CRACD: variants seen among roughly 807,000 people sequenced by gnomAD.
CRACD encodes the protein capping protein-inhibiting regulator of actin dynamics.
In CRACD, 56 loss-of-function variants were observed where a neutral mutation model predicts 106.8. The ratio of observed to expected loss-of-function variants is 0.52; its 90% CI spans 0.42 to 0.66. The LOEUF (loss-of-function observed/expected upper bound fraction) is 0.66. CRACD is among the 30% of genes least tolerant of loss of function. The pLI is 0.00. For synonymous variants in CRACD, 754 were observed against 670.8 expected (o/e 1.12, Z -1.92); for missense variants, 1,730 against 1,623.2 (o/e 1.07, Z -1.13).
chr4:56,108,194 T>C (rs1734008517), intron 1 of CRACD, among the ~76,000 whole-genome samples: 1 of 152,052 alleles, frequency 6.6e-6, no homozygotes, highest in South Asian at 2.1e-4. Flanking sequence ...ATACGGAAAA[T>C]ACTATTTTTA....
chr4:56,155,539 T>C (rs1164132506), intron 1 of CRACD, among the ~76,000 whole-genome samples: 2 of 152,242 alleles, frequency 1.3e-5, no homozygotes, highest in Non-Finnish European at 2.9e-5. Flanking sequence ...GGTACTGTTT[T>C]AAGCCTTCTA....
At chr4:56,058,416 A>G (rs1426091787) in intron 1 of CRACD, among the ~76,000 whole-genome samples, 2 of 152,206 alleles carry the variant, frequency 1.3e-5, no homozygotes, top group Non-Finnish European at 2.9e-5. Flanking sequence ...CAATGCTTTC[A>G]GGCTGAATCA....
chr4:56,055,315 G>A (rs953440493), intron 1 of CRACD, among the ~76,000 whole-genome samples: 2 of 151,790 alleles, frequency 1.3e-5, no homozygotes, highest in Admixed American at 6.6e-5. Context: ...AGGATAAGCC[G>A]GATTCAAGGA....
In CRACD at chr4:56,210,214, C is replaced by T. The variant is rs565520073; in HGVS notation, c.-189+30784C>T. 2.6e-5 allele frequency among the ~76,000 whole-genome samples: 4 copies of T among 152,276 alleles called. No homozygotes were observed. In the East Asian group the frequency reaches 7.7e-4, roughly 29 times the overall value. On this transcript the variant is annotated intron_variant, in intron 2 of 10. Coordinates refer to ENST00000682029, the MANE Select transcript of CRACD (RefSeq NM_001393381.1). ...TTTAACAGATAATTTTGAAACCATT[C>T]CTATTTTTAAAAATACCTTAACCTT...
intron 2 of CRACD, among the ~76,000 whole-genome samples, chr4:56,231,274 A>G (rs562866608): frequency 3.9e-5 from 6 of 152,316 alleles, no homozygotes; most frequent in South Asian, 4.1e-4. Context: ...AAGAGGCAGT[A>G]TCTATTGTCC....
chr4:56,173,062 C>T (rs1194789197), intron 1 of CRACD, among the ~76,000 whole-genome samples: 1 of 152,216 alleles, frequency 6.6e-6, no homozygotes, highest in Non-Finnish European at 1.5e-5. Context: ...GGCCAACACC[C>T]AGCCTTTCTG....
In CRACD at chr4:56,318,205, C is replaced by G. The variant is rs192815415; in HGVS notation, c.3187+1516C>G. Among the ~76,000 whole-genome samples the G allele has an allele frequency of 9.9e-4, 150 of 152,140 alleles. 2 individuals carry two copies. The highest frequency in any genetic ancestry group is 1.9e-3 in the Non-Finnish European group (131 of 68,006). ...AGAGACAGGGTCTTGCTATGTTGCC[C>G]AGGCTGGTCTTGAACTCCTGGGATC... On this transcript the variant is annotated intron_variant, in intron 8 of 10. Coordinates refer to ENST00000682029, the MANE Select transcript of CRACD (RefSeq NM_001393381.1).
intron 1 of CRACD, among the ~76,000 whole-genome samples, chr4:56,107,914 T>C (rs1018546784): frequency 6.6e-6 from 1 of 152,206 alleles, no homozygotes; most frequent in African/African-American, 2.4e-5. Context: ...AACATTTTCA[T>C]TTCCTCTTTA....
chr4:56,188,682 T>A (rs1341608225), intron 2 of CRACD, among the ~76,000 whole-genome samples: 57 of 111,754 alleles, frequency 5.1e-4, no homozygotes, highest in African/African-American at 2.2e-3. Context: ...TCTCTCTCTC[T>A]CTCTCACACA....
intron 1 of CRACD, among the ~76,000 whole-genome samples, chr4:56,126,380 C>G (rs1026905630): frequency 6.6e-6 from 1 of 152,110 alleles, no homozygotes; most frequent in African/African-American, 2.4e-5. Context: ...GTGGAATGCA[C>G]GTATCAGGCC....
At chr4:56,279,846 A>G (rs1026980066) in intron 3 of CRACD, among the ~76,000 whole-genome samples, 7 of 152,180 alleles carry the variant, frequency 4.6e-5, no homozygotes, top group Non-Finnish European at 1.0e-4. Flanking sequence ...ATGCACACGT[A>G]TGTTTATTGC....
intron 1 of CRACD, among the ~76,000 whole-genome samples, chr4:56,157,455 G>A (rs1489010494): frequency 6.6e-6 from 1 of 152,158 alleles, no homozygotes; most frequent in Non-Finnish European, 1.5e-5. Context: ...GAACAAATGA[G>A]TGAATGAATG....
chr4:56,141,716 C>G (rs1362281121), intron 1 of CRACD, among the ~76,000 whole-genome samples: 7 of 74,574 alleles, frequency 9.4e-5, no homozygotes, highest in African/African-American at 3.7e-4. Context: ...TTTTTAGAAA[C>G]AGAGTCTTAC....
intron 1 of CRACD, among the ~76,000 whole-genome samples, chr4:56,071,762 C>T (rs1164009941): frequency 1.3e-5 from 2 of 151,984 alleles, no homozygotes; most frequent in Admixed American, 6.5e-5. Context: ...TCACCCACCT[C>T]GGCCTCCCAA....
intron 1 of CRACD, among the ~76,000 whole-genome samples, chr4:56,152,166 C>T (rs1483763919): frequency 5.2e-4 from 78 of 151,032 alleles, no homozygotes; most frequent in Admixed American, 4.7e-3. Flanking sequence ...CCTGCCACCA[C>T]GCCCAGCTAA....
chr4:56,224,915 AG>A (rs1343549464), intron 2 of CRACD, among the ~76,000 whole-genome samples: 3 of 152,146 alleles, frequency 2.0e-5, no homozygotes, highest in African/African-American at 4.8e-5. Flanking sequence ...TGAAGTTGGG[AG>A]CCAACTGTCC....
intron 1 of CRACD, among the ~76,000 whole-genome samples, chr4:56,089,576 C>T (rs182706853): frequency 0.012 from 1,758 of 149,014 alleles, 24 homozygotes; most frequent in Non-Finnish European, 0.019. Context: ...TGCAATGGCA[C>T]GACCTCAGCT....
chr4:56,241,156 C>T (rs963167181), intron 2 of CRACD, among the ~76,000 whole-genome samples: 4 of 152,190 alleles, frequency 2.6e-5, no homozygotes, highest in African/African-American at 9.7e-5. Flanking sequence ...TAGCTCTTCA[C>T]TGCAGTGTGG....
At chr4:56,242,634 C>T (rs1259677304) in intron 2 of CRACD, among the ~76,000 whole-genome samples, 1 of 152,120 alleles carries the variant, frequency 6.6e-6, no homozygotes, top group African/African-American at 2.4e-5. Flanking sequence ...TCGGGGGCCA[C>T]AGGAGGCAGA....
Sources: gnomAD v4.1 joint callset for allele counts (sites outside exome capture counted in the v4.1 genomes callset) on GRCh38, gnomAD v4.1.1 for gene constraint, MANE v1.5 for transcripts, NCBI Gene and HGNC (gene_info 2026-07-23, HGNC 2026-07-21) for gene names.